CDK13: variants seen among roughly 807,000 people sequenced by gnomAD.
CDK13 encodes cyclin-dependent kinase 13.
CDK13 carries 40 observed loss-of-function variants against 137.6 expected under a neutral mutation model. The observed-to-expected ratio is 0.29, with a 90% confidence interval of 0.23 to 0.38. The LOEUF (loss-of-function observed/expected upper bound fraction) is 0.38. CDK13 is among the 10% of genes least tolerant of loss of function. CDK13 has a pLI of 1.00. For synonymous variants in CDK13, 869 were observed against 760.1 expected (o/e 1.14, Z -2.36); for missense variants, 1,704 against 1,951.8 (o/e 0.87, Z 2.39).
chr7:39,989,851 C>G (rs999999262), intron 2 of CDK13, among the ~76,000 whole-genome samples: 1 of 150,640 alleles, frequency 6.6e-6, no homozygotes, highest in Non-Finnish European at 1.5e-5. Context: ...GGCGCTCTCT[C>G]GGCTCACTGC....
At chr7:40,036,625 G>A (rs1785489906) in intron 5 of CDK13, among the ~76,000 whole-genome samples, 1 of 151,612 alleles carries the variant, frequency 6.6e-6, no homozygotes, top group Non-Finnish European at 1.5e-5. Context: ...AGAGGAAATA[G>A]TATAATGAAC....
At chr7:40,032,815 G>A (rs918091762) in intron 5 of CDK13, among the ~76,000 whole-genome samples, 1 of 151,928 alleles carries the variant, frequency 6.6e-6, no homozygotes, top group Non-Finnish European at 1.5e-5. Flanking sequence ...CAGTCTTAAA[G>A]TTGGATAGTG....
intron 5 of CDK13, among the ~76,000 whole-genome samples, chr7:40,021,067 G>T (rs1365924194): frequency 6.7e-6 from 1 of 149,226 alleles, no homozygotes; most frequent in Non-Finnish European, 1.5e-5. Flanking sequence ...CTCCAGCCTG[G>T]TGACAGAGCG....
intron 1 of CDK13, among the ~76,000 whole-genome samples, chr7:39,964,102 T>C (rs955313142): frequency 6.6e-6 from 1 of 152,152 alleles, no homozygotes; most frequent in Non-Finnish European, 1.5e-5. Context: ...TGTCTCTGCC[T>C]GGCTTTGGTA....
At chr7:40,040,780 A>T (rs551033580) in intron 5 of CDK13, among the ~76,000 whole-genome samples, 9 of 152,294 alleles carry the variant, frequency 5.9e-5, no homozygotes, top group Non-Finnish European at 1.0e-4. Flanking sequence ...GGTTGATGTT[A>T]GTGACTATTA....
intron 5 of CDK13, among the ~76,000 whole-genome samples, chr7:40,037,783 C>A (rs1269571493): frequency 6.6e-6 from 1 of 152,146 alleles, no homozygotes; most frequent in Non-Finnish European, 1.5e-5. Flanking sequence ...CTACCATATA[C>A]ATGTAATAAT....
At chr7:40,088,362 T>G in intron 12 of CDK13, 31 bp downstream of exon 12, 4 of 1,555,298 alleles carry the variant, frequency 2.6e-6, no homozygotes, top group Non-Finnish European at 3.5e-6. Flanking sequence ...TTGGTTTTCT[T>G]CACATTGTTT....
intron 5 of CDK13, among the ~76,000 whole-genome samples, chr7:40,024,544 C>T (rs990778708): frequency 6.7e-6 from 1 of 149,212 alleles, no homozygotes; most frequent in Non-Finnish European, 1.5e-5. Flanking sequence ...TGAAAGAGTT[C>T]TATTCAGGTT....
At chr7:40,032,610 T>C (rs1584016378) in intron 5 of CDK13, among the ~76,000 whole-genome samples, 1 of 152,202 alleles carries the variant, frequency 6.6e-6, no homozygotes, top group African/African-American at 2.4e-5. Context: ...CTTGTTGGTG[T>C]CCCCTTGTTT....
chr7:40,054,854 T>TA (rs1442371046), intron 7 of CDK13, among the ~76,000 whole-genome samples: 2 of 152,164 alleles, frequency 1.3e-5, no homozygotes, highest in Non-Finnish European at 2.9e-5. Flanking sequence ...TGCCTTCTTT[T>TA]AAAAAATATT....
chr7:39,950,295 G>T lies in CDK13; in HGVS notation c.-347G>T. 1 of 1,086,746 alleles carries T rather than the reference G, an allele frequency of 9.2e-7. No homozygotes were observed. Among genetic ancestry groups the T allele is most frequent in the Non-Finnish European group, 1.1e-6 (1 of 895,542 alleles). 67.3% of individuals were successfully genotyped at this position (1,086,746 alleles called of 1,614,324 possible). Reference sequence around the variant, plus strand: ...CTGCCCGAGCCGAGAGCGCGGCCAAGGCCGCTCCCCCACCCCCGGGGGCAC... The same window carrying T: ...CTGCCCGAGCCGAGAGCGCGGCCAATGCCGCTCCCCCACCCCCGGGGGCAC... On this transcript the variant is annotated 5_prime_UTR_variant, in exon 1 of 14. It adds an upstream start codon to the 5' untranslated region. Transcript: ENST00000181839.
chr7:40,016,849 CGTTT>C (rs925627414), intron 5 of CDK13, among the ~76,000 whole-genome samples: 2 of 151,860 alleles, frequency 1.3e-5, no homozygotes, highest in African/African-American at 4.8e-5. Context: ...AAATTTTTCT[CGTTT>C]GTTTTTTTAG....
rs542264389 is a variant in CDK13, at chr7:40,001,735, A to G, written c.2183-126A>G. The G allele has an allele frequency of 4.7e-5, 34 of 724,550 alleles. No individual in the cohort carries two copies. The East Asian group carries it at 7.6e-4, about 16-fold the overall frequency. 44.9% of individuals were successfully genotyped at this position (724,550 alleles called of 1,614,324 possible). Reference sequence around the variant, plus strand: ...ATATTATTTGGTATATTGGAAACTGAAACATACTTTGTGGTTCTATTTTTG... The same window carrying G: ...ATATTATTTGGTATATTGGAAACTGGAACATACTTTGTGGTTCTATTTTTG... On this transcript the variant is annotated intron_variant, in intron 4 of 13. Transcript: ENST00000181839.
intron 5 of CDK13, among the ~76,000 whole-genome samples, chr7:40,044,863 C>G (rs548814163): frequency 6.6e-6 from 1 of 151,794 alleles, no homozygotes; most frequent in Non-Finnish European, 1.5e-5. Flanking sequence ...GTCTTGATCT[C>G]CTGACCTCAT....
chr7:40,027,891 T>C (rs1013744333), intron 5 of CDK13, among the ~76,000 whole-genome samples: 2 of 152,052 alleles, frequency 1.3e-5, no homozygotes, highest in Non-Finnish European at 2.9e-5. Flanking sequence ...GTTCTGAGAA[T>C]AGAGCAAGCA....
chr7:40,094,983 A>ATC lies in CDK13; in HGVS notation c.*5_*6dup. 1 of 1,370,082 alleles carries ATC rather than the reference A, an allele frequency of 7.3e-7. No individual in the cohort carries two copies. Among genetic ancestry groups the ATC allele is most frequent in the Non-Finnish European group, 9.5e-7 (1 of 1,056,880 alleles). The allele number at this position is 1,370,082 out of a possible 1,614,324, so 84.9% of individuals were successfully genotyped here. ...GAGGCAGAGGGTTACCATACTGAGT[A>ATC]TCTGTTTTTCCTCAGGCACATCATT... On this transcript the variant is annotated 3_prime_UTR_variant, in exon 14 of 14. Coordinates refer to ENST00000181839, the MANE Select transcript of CDK13 (RefSeq NM_003718.5).
rs138906693 is a variant in CDK13, at chr7:39,971,251, C to T, written c.1212-16348C>T. On this transcript the variant is annotated intron_variant, in intron 1 of 13. Coordinates refer to ENST00000181839, the MANE Select transcript of CDK13 (RefSeq NM_003718.5). The stretch of plus-strand genomic sequence containing the variant: ...TATTTTCTAGGGCTGGGTGTGGTGG[C>T]TCATGCCTGTAATCCCAGCAGTTTG... Among the ~76,000 whole-genome samples the T allele has an allele frequency of 3.8e-3, 584 of 152,240 alleles. 1 individual carries two copies. Among genetic ancestry groups the T allele is most frequent in the African/African-American group, 0.012 (517 of 41,534 alleles).
rs1196281956 is a variant in CDK13, at chr7:40,096,654, C to G, written c.*1674C>G. 2.0e-5 allele frequency: 3 copies of G among 152,096 alleles called. No homozygotes were observed. Among genetic ancestry groups the G allele is most frequent in the Admixed American group, 6.6e-5 (1 of 15,266 alleles). The allele number at this position is 152,096 out of a possible 1,614,324, so 9.4% of individuals were successfully genotyped here. A position where few individuals can be genotyped will look rare whatever the true frequency, so the allele number is the denominator to read the frequency against. On this transcript the variant is annotated 3_prime_UTR_variant, in exon 14 of 14. Coordinates refer to ENST00000181839, the MANE Select transcript of CDK13 (RefSeq NM_003718.5). ...GCTCCAGTTCTAAAGCCAGTTAACCCTGTGCCCTCTAACTTATGAACCTTC... is the reference window on the plus strand; with the variant it reads ...GCTCCAGTTCTAAAGCCAGTTAACCGTGTGCCCTCTAACTTATGAACCTTC...
intron 1 of CDK13, among the ~76,000 whole-genome samples, chr7:39,963,805 A>C (rs994020208): frequency 1.3e-5 from 2 of 152,104 alleles, no homozygotes; most frequent in African/African-American, 4.8e-5. Flanking sequence ...TCAATACCTA[A>C]TTTATTGAGA....
Sources: allele counts gnomAD v4.1 joint callset (sites outside exome capture counted in the v4.1 genomes callset), GRCh38; gene constraint gnomAD v4.1.1; transcripts MANE v1.5; gene names NCBI Gene and HGNC (gene_info 2026-07-23, HGNC 2026-07-21).